Variants in GABBR2 observed in about 807,000 individuals in gnomAD.
GABBR2 encodes the protein G-protein coupled receptor 51.
Under a neutral mutation model 105.6 loss-of-function variants are expected in GABBR2, and 23 were observed. The ratio of observed to expected loss-of-function variants is 0.22; its 90% CI spans 0.16 to 0.31. The LOEUF is 0.31. GABBR2 is among the 10% of genes least tolerant of loss of function. GABBR2 has a pLI of 1.00. For missense variants in GABBR2, 734 were observed against 1,245.5 expected (o/e 0.59, Z 6.18); for synonymous variants, 478 against 499.7 (o/e 0.96, Z 0.58).
At chr9:98,290,803 GA>G in intron 18 of GABBR2, 54 bp from the exon 19 acceptor site, 1 of 1,321,052 alleles carries the variant, frequency 7.6e-7, no homozygotes, top group Non-Finnish European at 1.0e-6. Flanking sequence ...GCGCTTACCA[GA>G]AAGTTCCTTG....
intron 1 of GABBR2, among the ~76,000 whole-genome samples, chr9:98,636,486 T>C (rs1053448790): frequency 0.021 from 74 of 3,530 alleles, no homozygotes; most frequent in African/African-American, 0.069. Flanking sequence ...CTTTCCTTTC[T>C]TTTTTTTTTT....
At chr9:98,371,922 C>T (rs1476891636) in intron 11 of GABBR2, among the ~76,000 whole-genome samples, 1 of 152,198 alleles carries the variant, frequency 6.6e-6, no homozygotes, top group African/African-American at 2.4e-5. Flanking sequence ...GCCTTCACTT[C>T]CCCTCCTCCC....
At chr9:98,552,599 A>T (rs957935455) in intron 2 of GABBR2, among the ~76,000 whole-genome samples, 4 of 152,204 alleles carry the variant, frequency 2.6e-5, no homozygotes, top group African/African-American at 7.2e-5. Flanking sequence ...GGTGAGATTA[A>T]TGTGATGCGG....
chr9:98,685,419 AC>A (rs1830608073), intron 1 of GABBR2, among the ~76,000 whole-genome samples: 1 of 151,566 alleles, frequency 6.6e-6, no homozygotes, highest in Non-Finnish European at 1.5e-5. Context: ...TCCTTAATAA[AC>A]CCCCCTTCAT....
intron 1 of GABBR2, among the ~76,000 whole-genome samples, chr9:98,617,228 G>A (rs1829599717): frequency 6.6e-6 from 1 of 152,196 alleles, no homozygotes; most frequent in Admixed American, 6.5e-5. Flanking sequence ...CATGCACTGG[G>A]TGCCGGCTCT....
chr9:98,470,787 A>T (rs12552470), intron 6 of GABBR2, among the ~76,000 whole-genome samples: 22,497 of 151,572 alleles, frequency 0.15, 2,359 homozygotes, highest in East Asian at 0.52. Flanking sequence ...CAATTTGTTC[A>T]TCATGGGGTT....
At chr9:98,299,821 G>C (rs1029371477) in intron 16 of GABBR2, among the ~76,000 whole-genome samples, 4 of 152,092 alleles carry the variant, frequency 2.6e-5, no homozygotes, top group South Asian at 2.1e-4. Context: ...TACATGGAAA[G>C]TTTAGCCCAG....
rs540035037 is a variant in GABBR2 at position 98,377,730 on chromosome 9, G to A, written c.1663-6159C>T. The stretch of plus-strand genomic sequence containing the variant: ...CATCTGCTTATTGGCTCAGGAGTCT[G>A]GGGAGTCCCTGGTTCCCCACTCAGC... On this transcript the variant is annotated intron_variant, in intron 11 of 18. Coordinates refer to ENST00000259455, the MANE Select transcript of GABBR2 (RefSeq NM_005458.8). Among the ~76,000 whole-genome samples the A allele has an allele frequency of 2.0e-5, 3 of 152,240 alleles. No individual in the cohort carries two copies. The South Asian group carries it at 6.2e-4, about 32-fold the overall frequency.
intron 7 of GABBR2, among the ~76,000 whole-genome samples, chr9:98,434,963 T>G (rs981287646): frequency 3.9e-5 from 6 of 152,216 alleles, no homozygotes; most frequent in African/African-American, 1.4e-4. Flanking sequence ...TTTCTTAATG[T>G]TGGTGTAACC....
rs1323822181 is a variant in GABBR2, at chr9:98,708,492, T to C, written c.246A>G (p.Glu82=). ...CGTTGCGGATCTGCTCGATGGCCAG[T>C]TCCACGGCGGGGAGCACACCGCGCC... ...SIGRGVLPAV[E]LAIEQIRNES... is the part of the protein sequence containing the mutation. The change falls in exon 1 of 19, where the codon GAA becomes GAG. Residue 82 remains glutamate, a synonymous_variant. Transcript: ENST00000259455. The C allele has an allele frequency of 6.3e-7, 1 of 1,594,738 alleles. No homozygotes were observed. Among genetic ancestry groups the C allele is most frequent in the Non-Finnish European group, 8.5e-7 (1 of 1,170,986 alleles).
At chr9:98,409,314 G>C (rs1832544617) in intron 7 of GABBR2, among the ~76,000 whole-genome samples, 1 of 152,238 alleles carries the variant, frequency 6.6e-6, no homozygotes, top group African/African-American at 2.4e-5. Context: ...AGATTGCACT[G>C]TCTGTGGGGT....
At chr9:98,317,216 C>T (rs959990985) in intron 13 of GABBR2, among the ~76,000 whole-genome samples, 3 of 152,220 alleles carry the variant, frequency 2.0e-5, no homozygotes, top group Admixed American at 6.5e-5. Context: ...GAGGCCACAC[C>T]GGTTTGGGAC....
chr9:98,591,839 C>T (rs1829150224), intron 1 of GABBR2, among the ~76,000 whole-genome samples: 1 of 129,316 alleles, frequency 7.7e-6, no homozygotes, highest in South Asian at 2.2e-4. Context: ...GCCACTGCCT[C>T]ACTCTGTGAC....
chr9:98,657,423 T>C (rs1246801948), intron 1 of GABBR2, among the ~76,000 whole-genome samples: 1 of 152,228 alleles, frequency 6.6e-6, no homozygotes, highest in Non-Finnish European at 1.5e-5. Flanking sequence ...TGTGCCGTGG[T>C]CCATTTCCCT....
intron 9 of GABBR2, among the ~76,000 whole-genome samples, chr9:98,390,765 C>A (rs1163096397): frequency 1.3e-5 from 2 of 152,056 alleles, no homozygotes; most frequent in Admixed American, 6.6e-5. Flanking sequence ...TGGAAACAAG[C>A]CCTTCTATGG....
At chr9:98,428,001 A>G (rs1825730513) in intron 7 of GABBR2, among the ~76,000 whole-genome samples, 1 of 152,176 alleles carries the variant, frequency 6.6e-6, no homozygotes, top group African/African-American at 2.4e-5. Flanking sequence ...CAGCTAAGTC[A>G]CTCCTGAATT....
intron 1 of GABBR2, among the ~76,000 whole-genome samples, chr9:98,703,364 T>C (rs1830855547): frequency 6.6e-6 from 1 of 152,262 alleles, no homozygotes; most frequent in African/African-American, 2.4e-5. Context: ...TTCTGTCATT[T>C]GCATCAAGAG....
intron 1 of GABBR2, among the ~76,000 whole-genome samples, chr9:98,654,463 G>T (rs1186095416): frequency 6.6e-6 from 1 of 152,214 alleles, no homozygotes; most frequent in Admixed American, 6.5e-5. Flanking sequence ...TGTGCCAGAT[G>T]GTGGGAACTC....
In GABBR2 at chr9:98,449,450, G is replaced by A. The variant is rs376353946; in HGVS notation, c.1236+4531C>T. On this transcript the variant is annotated intron_variant, in intron 7 of 18. Coordinates refer to ENST00000259455, the MANE Select transcript of GABBR2 (RefSeq NM_005458.8). The stretch of plus-strand genomic sequence containing the variant: ...TTGCTGACAGGTTTAAACCACAAAC[G>A]TGTGTGTGTGGCCCCAAGCAATTCT... Among the ~76,000 whole-genome samples, 7 of 152,066 alleles carry A rather than the reference G, an allele frequency of 4.6e-5. No homozygotes were observed. The East Asian group carries it at 5.8e-4, about 13-fold the overall frequency.
Sources: gnomAD v4.1 joint callset for allele counts (sites outside exome capture counted in the v4.1 genomes callset) on GRCh38, gnomAD v4.1.1 for gene constraint, MANE v1.5 for transcripts, NCBI Gene and HGNC (gene_info 2026-07-23, HGNC 2026-07-21) for gene names.